RBM20: variants seen among roughly 807,000 people sequenced by gnomAD.
RBM20 encodes the protein RNA binding motif protein 20, also known as RNA-binding protein 20.
A neutral mutation model predicts 110.1 loss-of-function variants in RBM20; 51 were observed. The observed-to-expected ratio is 0.46, with a 90% CI of 0.37 to 0.59. The LOEUF (loss-of-function observed/expected upper bound fraction) is 0.59, where lower values mean the gene tolerates loss of function less well. Among genes scored for constraint, RBM20 ranks in the 20% least tolerant of loss-of-function variants. The pLI is 0.00. For synonymous variants in RBM20, 589 were observed against 618.2 expected, an observed-to-expected ratio of 0.95 and a Z score of 0.70; for missense variants, 1,512 against 1,574.9, an observed-to-expected ratio of 0.96 and a Z score of 0.68.
chr10:110,776,442 A>G (rs2135032845), intron 1 of RBM20, among the ~76,000 whole-genome samples: 1 of 152,332 alleles, frequency 6.6e-6, no homozygotes, highest in South Asian at 2.1e-4. Flanking sequence ...TCAAGGTGTT[A>G]GTTCCTTCTG....
rs145156027 is a variant in RBM20, at chr10:110,824,403, G to A, written c.3451+789G>A. Among the ~76,000 whole-genome samples the A allele has an allele frequency of 6.5e-4, 99 of 152,326 alleles. 1 individual carries two copies. Among genetic ancestry groups the A allele is most frequent in the African/African-American group, 2.0e-3 (84 of 41,568 alleles). On this transcript the variant is annotated intron_variant, in intron 12 of 13. Coordinates refer to ENST00000369519, the MANE Select transcript of RBM20 (RefSeq NM_001134363.3). ...GAGGCAATGATGCTGAATAGAATGT[G>A]TTTGGGGCAGACTACCCCTAGTTCA...
intron 1 of RBM20, among the ~76,000 whole-genome samples, chr10:110,674,293 T>C (rs1862301762): frequency 6.6e-6 from 1 of 152,218 alleles, no homozygotes; most frequent in Admixed American, 6.5e-5. Context: ...CCCGTATCAG[T>C]TCACATATTC....
intron 1 of RBM20, among the ~76,000 whole-genome samples, chr10:110,745,880 AAATAGT>A (rs1470862150): frequency 6.6e-6 from 1 of 152,228 alleles, no homozygotes; most frequent in African/African-American, 2.4e-5. Flanking sequence ...ATCTAGTTTA[AAATAGT>A]AATAATAAAC....
chr10:110,725,752 G>C (rs761997962), intron 1 of RBM20, among the ~76,000 whole-genome samples: 3 of 152,248 alleles, frequency 2.0e-5, no homozygotes, highest in Admixed American at 2.0e-4. Context: ...CTATTGCGGG[G>C]AGGCAGCGTT....
intron 9 of RBM20, 54 bp from the exon 10 acceptor site, chr10:110,820,018 C>T: frequency 4.4e-6 from 5 of 1,139,422 alleles, no homozygotes; most frequent in South Asian, 1.7e-5. Context: ...TTTTTTTCTT[C>T]TCCCTGTCAC....
chr10:110,762,339 A>G (rs1342517701), intron 1 of RBM20, among the ~76,000 whole-genome samples: 1 of 152,186 alleles, frequency 6.6e-6, no homozygotes, highest in African/African-American at 2.4e-5. Flanking sequence ...CAGTGCTGGT[A>G]TACAGTAGGT....
chr10:110,715,975 G>A (rs936552007), intron 1 of RBM20, among the ~76,000 whole-genome samples: 1 of 152,204 alleles, frequency 6.6e-6, no homozygotes, highest in Admixed American at 6.5e-5. Flanking sequence ...AGCACTAGAA[G>A]TCTCTCCACA....
intron 1 of RBM20, among the ~76,000 whole-genome samples, chr10:110,749,841 A>G (rs1843830260): frequency 6.6e-6 from 1 of 152,234 alleles, no homozygotes. Flanking sequence ...ACATACCAAG[A>G]TAAATCTCAG....
Position 110,799,774 on chromosome 10 carries a change from CT to C in RBM20, c.1669-10del. 1 of 1,548,108 alleles carries C rather than the reference CT, an allele frequency of 6.5e-7. No homozygotes were observed. The highest frequency in any genetic ancestry group is 8.7e-7 in the Non-Finnish European group (1 of 1,145,252). On this transcript the variant is annotated splice_polypyrimidine_tract_variant and intron_variant, in intron 6 of 13. Transcript: ENST00000369519. ...AAGTCAAGTCCAGTGAGTGTCCTTC[CT>C]TTCTTTCTTAGGCCTTTTTAGAGAT... is the stretch of plus-strand genomic sequence containing the variant.
chr10:110,645,090 A>G (rs973975639), intron 1 of RBM20, among the ~76,000 whole-genome samples: 1 of 152,202 alleles, frequency 6.6e-6, no homozygotes, highest in Non-Finnish European at 1.5e-5. Flanking sequence ...ACCAGTGGAA[A>G]GGGAGGTGAC....
intron 1 of RBM20, among the ~76,000 whole-genome samples, chr10:110,679,048 C>G (rs1862382615): frequency 6.6e-6 from 1 of 152,150 alleles, no homozygotes; most frequent in Non-Finnish European, 1.5e-5. Context: ...GAAACTTGGC[C>G]TCCTGGAGCC....
intron 1 of RBM20, among the ~76,000 whole-genome samples, chr10:110,683,612 GTAACT>G (rs1862455365): frequency 6.6e-6 from 1 of 152,178 alleles, no homozygotes; most frequent in Non-Finnish European, 1.5e-5. Context: ...ATTGAGTTTT[GTAACT>G]TTTACTTGCT....
At chr10:110,810,045 C>G (rs2135099116) in intron 7 of RBM20, among the ~76,000 whole-genome samples, 1 of 152,306 alleles carries the variant, frequency 6.6e-6, no homozygotes, top group Non-Finnish European at 1.5e-5. Context: ...CTCCCTCCAT[C>G]CCTCTGTCCT....
At chr10:110,744,480 C>A (rs556859607) in intron 1 of RBM20, among the ~76,000 whole-genome samples, 130 of 152,314 alleles carry the variant, frequency 8.5e-4, no homozygotes, top group Middle Eastern at 3.4e-3. Context: ...TACCTTTGAA[C>A]ATTGGTTCCC....
At chr10:110,770,939 C>G (rs928810531) in intron 1 of RBM20, among the ~76,000 whole-genome samples, 41 of 152,200 alleles carry the variant, frequency 2.7e-4, no homozygotes, top group African/African-American at 9.6e-4. Context: ...GAATACTTTA[C>G]AATTTTATAC....
chr10:110,668,887 T>TAA (rs74542918), intron 1 of RBM20, among the ~76,000 whole-genome samples: 5 of 141,646 alleles, frequency 3.5e-5, no homozygotes, highest in Admixed American at 1.4e-4. Context: ...GTATAACAAT[T>TAA]AAAAAAAAAA....
chr10:110,773,250 A>G (rs1221474207), intron 1 of RBM20, among the ~76,000 whole-genome samples: 1 of 152,222 alleles, frequency 6.6e-6, no homozygotes, highest in Non-Finnish European at 1.5e-5. Context: ...CTTTTTTTCT[A>G]TATATAGATA....
At chr10:110,716,989 A>C (rs1223129127) in intron 1 of RBM20, among the ~76,000 whole-genome samples, 1 of 151,834 alleles carries the variant, frequency 6.6e-6, no homozygotes, top group Non-Finnish European at 1.5e-5. Context: ...TCCTTCCTGT[A>C]ATTGTGTTTT....
rs60811861 is a variant in RBM20 at position 110,836,804 on chromosome 10, G to C, written c.*826G>C. ...TTTTTCTATTCTGGACAATGAATTT[G>C]GTACAGAGTCACTGTAATTAAATAT... On this transcript the variant is annotated 3_prime_UTR_variant, in exon 14 of 14. Coordinates refer to ENST00000369519, the MANE Select transcript of RBM20 (RefSeq NM_001134363.3). 9.9e-4 allele frequency: 151 copies of C among 152,266 alleles called. No homozygotes were observed. Among genetic ancestry groups the C allele is most frequent in the African/African-American group, 3.4e-3 (141 of 41,550 alleles). 9.4% of individuals were successfully genotyped at this position (152,266 alleles called of 1,614,324 possible).
Sources: allele counts gnomAD v4.1 joint callset (sites outside exome capture counted in the v4.1 genomes callset), GRCh38; gene constraint gnomAD v4.1.1; transcripts MANE v1.5; gene names NCBI Gene and HGNC (gene_info 2026-07-23, HGNC 2026-07-21).